CCDC141: variants seen among roughly 807,000 people sequenced by gnomAD.
CCDC141 encodes coiled-coil domain-containing protein 141.
Under a neutral mutation model 181.0 loss-of-function variants are expected in CCDC141, and 168 were observed. That is an observed-to-expected ratio of 0.93 (90% CI 0.82 to 1.05). The LOEUF (loss-of-function observed/expected upper bound fraction) is 1.05. Ranked by LOEUF, CCDC141 falls within the 50% of genes least tolerant of loss-of-function variation. The pLI is 0.00. For synonymous variants in CCDC141, 666 were observed against 642.3 expected, an observed-to-expected ratio of 1.04 and a Z score of -0.56; for missense variants, 1,902 against 1,788.5, an observed-to-expected ratio of 1.06 and a Z score of -1.14.
intron 21 of CCDC141, 123 bp from the exon 22 acceptor site, chr2:178,845,865 G>T: frequency 1.4e-6 from 1 of 707,502 alleles, no homozygotes. Flanking sequence ...TTCCACAAGA[G>T]ACTGGTGTAC....
At chr2:178,869,884 T>C (rs1686033925) in intron 14 of CCDC141, among the ~76,000 whole-genome samples, 1 of 152,128 alleles carries the variant, frequency 6.6e-6, no homozygotes, top group African/African-American at 2.4e-5. Context: ...CCAGCATTGC[T>C]CAGATAATCC....
intron 6 of CCDC141, among the ~76,000 whole-genome samples, chr2:178,937,076 C>A (rs979452206): frequency 1.3e-5 from 2 of 152,072 alleles, no homozygotes; most frequent in Non-Finnish European, 2.9e-5. Flanking sequence ...TTTGGATGCA[C>A]TTTATTTCTT....
rs13388262 is a variant in CCDC141 at position 178,878,367 on chromosome 2, T to C, written c.1720-224A>G. Among the ~76,000 whole-genome samples the C allele has an allele frequency of 0.049, 7,402 of 151,470 alleles. 440 individuals are homozygous for C. The highest frequency in any genetic ancestry group is 0.17 in the South Asian group (806 of 4,798). On this transcript the variant is annotated intron_variant, in intron 11 of 23. Coordinates refer to ENST00000443758, the MANE Select transcript of CCDC141 (RefSeq NM_173648.4). ...AGGCTGGAGTGCAGTGGCACCACCA[T>C]AGCGCACTGCAGCCCCAAACTCTTG...
the CCDC141 span, among the ~76,000 whole-genome samples, chr2:178,824,265 G>A: frequency 6.6e-6 from 1 of 151,996 alleles, no homozygotes; most frequent in East Asian, 1.9e-4. Context: ...GTATCATTCC[G>A]CTAACTGATT....
intron 11 of CCDC141, among the ~76,000 whole-genome samples, chr2:178,883,849 G>C (rs1422698276): frequency 1.3e-5 from 2 of 152,200 alleles, no homozygotes; most frequent in Non-Finnish European, 2.9e-5. Context: ...CAGTGTACTA[G>C]AGGGAATATT....
chr2:178,973,929 G>C (rs1173566103), intron 4 of CCDC141, among the ~76,000 whole-genome samples: 1 of 152,102 alleles, frequency 6.6e-6, no homozygotes, highest in Non-Finnish European at 1.5e-5. Context: ...ATAATAATGG[G>C]CAACTGTTGC....
rs1177070237 is a variant in CCDC141, at chr2:179,015,067, GATATAT to G, written c.225+32211_225+32216del. On this transcript the variant is annotated intron_variant, in intron 2 of 23. Transcript: ENST00000443758. The stretch of plus-strand genomic sequence containing the variant: ...GTGGATAAACTGTGAGAGAGACAGA[GATATAT>G]ATATATATATATATATATATATATA... 3.5e-3 allele frequency among the ~76,000 whole-genome samples: 138 copies of G among 39,592 alleles called. 5 individuals are homozygous for G. The highest frequency in any genetic ancestry group is 0.014 in the East Asian group (21 of 1,458). 26.0% of individuals were successfully genotyped at this position (39,592 alleles called of 152,430 possible).
chr2:179,037,015 T>C (rs556876319), intron 2 of CCDC141, among the ~76,000 whole-genome samples: 1 of 152,250 alleles, frequency 6.6e-6, no homozygotes, highest in Non-Finnish European at 1.5e-5. Flanking sequence ...ACCTATCCCA[T>C]AGAACCTCCC....
intron 2 of CCDC141, among the ~76,000 whole-genome samples, chr2:179,027,646 C>CAAAAAAAAAAAAAAAAAAAAAAAAAA (rs71023466): frequency 1.1e-4 from 6 of 53,272 alleles, no homozygotes; most frequent in East Asian, 1.3e-3. Flanking sequence ...CTCTTACTCT[C>CAAAAAAAAAAAAAAAAAAAAAAAAAA]AAAAAAAAAA....
intron 17 of CCDC141, among the ~76,000 whole-genome samples, chr2:178,865,511 A>G (rs111435958): frequency 4.6e-5 from 7 of 152,292 alleles, no homozygotes; most frequent in African/African-American, 1.4e-4. Flanking sequence ...AAACTGTACT[A>G]CTGAATTATA....
In CCDC141 at chr2:178,856,243, T is replaced by C. The variant is rs774733915; in HGVS notation, c.2865+14A>G. 19 of 1,596,930 alleles carry C rather than the reference T, an allele frequency of 1.2e-5. No homozygotes were observed. The highest frequency in any genetic ancestry group is 1.7e-4 in the Middle Eastern group (1 of 5,974). ...TACACATGCGCACATATACAAACCATACTTTCTTGTTACCTGCATTTTTTC... is the reference window on the plus strand; with the variant it reads ...TACACATGCGCACATATACAAACCACACTTTCTTGTTACCTGCATTTTTTC... On this transcript the variant is annotated intron_variant, in intron 18 of 23. Transcript: ENST00000443758.
At chr2:178,924,852 G>T (rs1162126620) in intron 6 of CCDC141, among the ~76,000 whole-genome samples, 2 of 152,190 alleles carry the variant, frequency 1.3e-5, no homozygotes, top group African/African-American at 4.8e-5. Flanking sequence ...AAATCATTGC[G>T]ACTGAACCAG....
intron 15 of CCDC141, among the ~76,000 whole-genome samples, chr2:178,868,725 A>G (rs921342533): frequency 6.6e-6 from 1 of 152,158 alleles, no homozygotes. Flanking sequence ...GTAATTAAGA[A>G]TCAAGATAGT....
chr2:178,857,122 C>T (rs963347126), intron 17 of CCDC141, among the ~76,000 whole-genome samples: 1 of 151,590 alleles, frequency 6.6e-6, no homozygotes, highest in African/African-American at 2.4e-5. Context: ...ATCTTTTTTC[C>T]CATTCATTCT....
At chr2:178,996,512 T>C (rs1002991051) in intron 2 of CCDC141, among the ~76,000 whole-genome samples, 2 of 152,146 alleles carry the variant, frequency 1.3e-5, no homozygotes, top group Non-Finnish European at 2.9e-5. Context: ...GGTGTTAAAA[T>C]AAATCCAAAA....
chr2:178,958,582 C>T (rs1197769199), intron 5 of CCDC141, among the ~76,000 whole-genome samples: 1 of 152,166 alleles, frequency 6.6e-6, no homozygotes, highest in Non-Finnish European at 1.5e-5. Context: ...TTCTGCTATA[C>T]CTTACTTTAC....
chr2:179,024,605 T>G (rs2042779753), intron 2 of CCDC141, among the ~76,000 whole-genome samples: 1 of 150,400 alleles, frequency 6.6e-6, no homozygotes, highest in East Asian at 1.9e-4. Context: ...GCCAGTAAGG[T>G]AAGTGGCAAG....
chr2:178,851,070 G>GT (rs1433850761), intron 20 of CCDC141, among the ~76,000 whole-genome samples: 2 of 152,012 alleles, frequency 1.3e-5, no homozygotes, highest in Non-Finnish European at 2.9e-5. Flanking sequence ...ACCTGGTGTG[G>GT]TGGCACATGC....
the CCDC141 span, chr2:178,817,749 A>C: frequency 1.4e-5 from 4 of 292,574 alleles, no homozygotes; most frequent in East Asian, 8.2e-5. Context: ...CTTTTTCTTT[A>C]TCTCTTTTCT....
Sources: gnomAD v4.1 joint callset for allele counts (sites outside exome capture counted in the v4.1 genomes callset) on GRCh38, gnomAD v4.1.1 for gene constraint, MANE v1.5 for transcripts, NCBI Gene and HGNC (gene_info 2026-07-23, HGNC 2026-07-21) for gene names.